PRELID2: variants seen among roughly 807,000 people sequenced by gnomAD.
The protein encoded by PRELID2 is PRELI domain containing 2, also known as PRELI domain-containing protein 2.
A neutral mutation model predicts 28.4 loss-of-function variants in PRELID2; 25 were observed. The ratio of observed to expected loss-of-function variants is 0.88; its 90% CI spans 0.64 to 1.23. The LOEUF is 1.23. Among genes scored for constraint, PRELID2 ranks in the 50% most tolerant of loss-of-function variants. The probability of loss-of-function intolerance (pLI) is 0.00; values close to 1 mark genes in which losing one functional copy is unlikely to be tolerated. For missense variants in PRELID2, 201 were observed against 214.4 expected (o/e 0.94, Z 0.39); for synonymous variants, 76 against 71.6 (o/e 1.06, Z -0.31).
chr5:145,439,773 C>T, the PRELID2 span, among the ~76,000 whole-genome samples: 1 of 152,064 alleles, frequency 6.6e-6, no homozygotes, highest in Non-Finnish European at 1.5e-5. Context: ...TTCTGTACTC[C>T]TTACCTGGAT....
intron 1 of PRELID2, among the ~76,000 whole-genome samples, chr5:145,575,447 G>A (rs902926240): frequency 6.6e-6 from 1 of 152,120 alleles, no homozygotes; most frequent in Non-Finnish European, 1.5e-5. Context: ...TCTGAATACT[G>A]TCATTTCTCC....
At chr5:145,811,726 C>A (rs1425036812) in intron 4 of PRELID2, among the ~76,000 whole-genome samples, 3 of 152,180 alleles carry the variant, frequency 2.0e-5, no homozygotes, top group African/African-American at 7.2e-5. Flanking sequence ...AATAGCCAGA[C>A]ACAGAAAAAT....
intron 4 of PRELID2, among the ~76,000 whole-genome samples, chr5:145,816,863 A>T (rs975718242): frequency 9.2e-5 from 14 of 152,150 alleles, no homozygotes; most frequent in African/African-American, 1.4e-4. Context: ...ACCTGATATT[A>T]AAAAATTCTA....
chr5:145,300,000 A>T, the PRELID2 span, among the ~76,000 whole-genome samples: 3 of 152,022 alleles, frequency 2.0e-5, no homozygotes, highest in Admixed American at 1.3e-4. Context: ...TTTTCATTTC[A>T]TTATGAACTC....
intron 1 of PRELID2, chr5:145,729,203 G>A (rs1449817728): frequency 6.8e-5 from 51 of 753,716 alleles, no homozygotes; most frequent in South Asian, 2.3e-4. Flanking sequence ...TCTGGGTTTC[G>A]GAAGCATGCC....
chr5:145,657,653 C>A (rs113578180), intron 1 of PRELID2, among the ~76,000 whole-genome samples: 42 of 152,136 alleles, frequency 2.8e-4, no homozygotes, highest in African/African-American at 9.6e-4. Context: ...CAACTGCACT[C>A]CAGCCTGGGC....
At chr5:145,713,651 AT>A (rs1755764711) in intron 1 of PRELID2, among the ~76,000 whole-genome samples, 3 of 96,968 alleles carry the variant, frequency 3.1e-5, no homozygotes, top group African/African-American at 1.5e-4. Flanking sequence ...TATACTATAT[AT>A]AAAGTATATA....
intron 1 of PRELID2, among the ~76,000 whole-genome samples, chr5:145,730,957 T>C (rs776824079): frequency 6.6e-6 from 1 of 152,084 alleles, no homozygotes; most frequent in African/African-American, 2.4e-5. Flanking sequence ...CCTCAAACAG[T>C]AACATTCGAA....
At chr5:145,428,409 T>C in the PRELID2 span, among the ~76,000 whole-genome samples, 1 of 152,062 alleles carries the variant, frequency 6.6e-6, no homozygotes, top group Non-Finnish European at 1.5e-5. Flanking sequence ...TTTTCTAGGC[T>C]CTGGAGATAT....
intron 1 of PRELID2, among the ~76,000 whole-genome samples, chr5:145,703,484 C>A (rs748752016): frequency 6.6e-6 from 1 of 152,202 alleles, no homozygotes; most frequent in Admixed American, 6.5e-5. Context: ...TCAAGCCACA[C>A]ATGCTAACCC....
chr5:145,360,598 G>C, the PRELID2 span, among the ~76,000 whole-genome samples: 1 of 152,108 alleles, frequency 6.6e-6, no homozygotes, highest in Non-Finnish European at 1.5e-5. Context: ...GTGTGAAAAA[G>C]ACTTTTCAAA....
the PRELID2 span, among the ~76,000 whole-genome samples, chr5:145,296,856 G>T: frequency 6.6e-6 from 1 of 152,264 alleles, no homozygotes; most frequent in East Asian, 1.9e-4. Flanking sequence ...AGCACCAGTT[G>T]TTTCCTGACT....
chr5:145,646,314 T>G (rs1754195479), intron 1 of PRELID2, among the ~76,000 whole-genome samples: 2 of 152,212 alleles, frequency 1.3e-5, no homozygotes, highest in African/African-American at 4.8e-5. Flanking sequence ...TTTCTTCCTC[T>G]TGATCTGTAC....
intron 1 of PRELID2, chr5:145,729,496 C>T (rs1256315401): frequency 3.6e-6 from 1 of 278,370 alleles, no homozygotes; most frequent in African/African-American, 2.3e-5. Context: ...ATAAACAAGC[C>T]TCAGATTCCT....
chr5:145,655,031 T>G (rs1754369133), intron 1 of PRELID2, among the ~76,000 whole-genome samples: 1 of 151,806 alleles, frequency 6.6e-6, no homozygotes, highest in Admixed American at 6.6e-5. Context: ...TCCTTAAGCT[T>G]ATAGGCAACT....
rs564162982 is a variant in PRELID2, at chr5:145,655,819, C to T, written n.70+109112G>A. ...ACCCTAGAAGAAAACCTAAGCAATACCATTCAGAACATAGGCATGGCCAAG... is the reference window on the plus strand; with the variant it reads ...ACCCTAGAAGAAAACCTAAGCAATATCATTCAGAACATAGGCATGGCCAAG... On this transcript the variant is annotated intron_variant and non_coding_transcript_variant, in intron 1 of 2. Transcript: ENST00000510259. Among the ~76,000 whole-genome samples the T allele has an allele frequency of 3.3e-5, 5 of 152,264 alleles. No individual in the cohort carries two copies. In the South Asian group the frequency reaches 1.0e-3, roughly 32 times the overall value.
the PRELID2 span, among the ~76,000 whole-genome samples, chr5:145,430,196 C>T: frequency 1.3e-5 from 2 of 152,104 alleles, no homozygotes; most frequent in Non-Finnish European, 2.9e-5. Flanking sequence ...TCAAATATAC[C>T]ATCCTCCATG....
chr5:145,630,536 A>G (rs1379866311), intron 1 of PRELID2, among the ~76,000 whole-genome samples: 3 of 152,202 alleles, frequency 2.0e-5, no homozygotes, highest in Non-Finnish European at 2.9e-5. Context: ...GCAACATCCC[A>G]TTAACTGTAA....
At chr5:145,833,059 G>A (rs1350479318) in intron 1 of PRELID2, among the ~76,000 whole-genome samples, 1 of 152,114 alleles carries the variant, frequency 6.6e-6, no homozygotes, top group Non-Finnish European at 1.5e-5. Context: ...AGGGTCTGCG[G>A]TGACCTCCCA....
Sources: allele counts gnomAD v4.1 joint callset (sites outside exome capture counted in the v4.1 genomes callset), GRCh38; gene constraint gnomAD v4.1.1; transcripts MANE v1.5; gene names NCBI Gene and HGNC (gene_info 2026-07-23, HGNC 2026-07-21).